ACTR3: variants seen among roughly 807,000 people sequenced by gnomAD.
ACTR3 encodes the protein actin related protein 3.
ACTR3 carries 12 observed loss-of-function variants against 56.8 expected under a neutral mutation model. The observed-to-expected ratio is 0.21, with a 90% CI of 0.14 to 0.34. The LOEUF is 0.34. Ranked by LOEUF, ACTR3 falls within the 10% of genes least tolerant of loss-of-function variation. The probability of loss-of-function intolerance (pLI) is 1.00; values close to 1 mark genes in which losing one functional copy is unlikely to be tolerated. For synonymous variants in ACTR3, 162 were observed against 167.4 expected (o/e 0.97, Z 0.25); for missense variants, 282 against 512.5 (o/e 0.55, Z 4.34).
In ACTR3 at chr2:113,961,128, G is replaced by A. The variant is rs186417193; in HGVS notation, c.*3673G>A. 2 of 152,096 alleles carry A rather than the reference G, an allele frequency of 1.3e-5. No homozygotes were observed. Among genetic ancestry groups the A allele is most frequent in the South Asian group, 2.1e-4 (1 of 4,830 alleles). The allele number at this position is 152,096 out of a possible 1,614,324, so 9.4% of individuals were successfully genotyped here. A position where few individuals can be genotyped will look rare whatever the true frequency, so the allele number is the denominator to read the frequency against. On this transcript the variant is annotated 3_prime_UTR_variant, in exon 12 of 12. Coordinates refer to ENST00000263238, the MANE Select transcript of ACTR3 (RefSeq NM_005721.5). ...GCTACTCATTGTTGATAACGCTTCA[G>A]TACTGTATAAATGTTTATCCTTTTC...
rs1189622941 is a variant in ACTR3, at chr2:113,890,601, A to C, written c.44+278A>C. 20 of 1,320,254 alleles carry C rather than the reference A, an allele frequency of 1.5e-5. No individual in the cohort carries two copies. In the East Asian group the frequency reaches 5.1e-4, roughly 34 times the overall value. The allele number at this position is 1,320,254 out of a possible 1,614,324, so 81.8% of individuals were successfully genotyped here. A position where few individuals can be genotyped will look rare whatever the true frequency, so the allele number is the denominator to read the frequency against. The stretch of plus-strand genomic sequence containing the variant: ...GACCCCTCCCGGCCCTTCCCCCACT[A>C]CGGTGGGCAGCGCCGCCCAAAGGGC... On this transcript the variant is annotated intron_variant, in intron 1 of 11. Coordinates refer to ENST00000263238, the MANE Select transcript of ACTR3 (RefSeq NM_005721.5).
intron 1 of ACTR3, chr2:113,890,805 A>G (rs548827863): frequency 4.1e-5 from 41 of 998,248 alleles, no homozygotes; most frequent in Admixed American, 3.5e-4. Context: ...CGCTGTGACA[A>G]CATTCTGCCC....
intron 1 of ACTR3, among the ~76,000 whole-genome samples, chr2:113,905,528 C>G (rs1027870447): frequency 1.3e-5 from 2 of 151,262 alleles, no homozygotes; most frequent in Admixed American, 6.6e-5. Flanking sequence ...TTAACTATTT[C>G]TAAGTGTGCA....
intron 10 of ACTR3, chr2:113,954,227 A>T (rs1680170217): frequency 6.6e-6 from 1 of 152,164 alleles, no homozygotes; most frequent in African/African-American, 2.4e-5. Flanking sequence ...TTTTCACTAT[A>T]AAGTTATTAT....
Position 113,891,643 on chromosome 2 carries a change from T to C in ACTR3, c.44+1320T>C, listed in dbSNP as rs571095410. ...TTTTTTTTATTATTAATTATAATTA[T>C]TGATTTCATTATTGTTACTTAAAAG... On this transcript the variant is annotated intron_variant, in intron 1 of 11. Transcript: ENST00000263238. Among the ~76,000 whole-genome samples, 4 of 151,728 alleles carry C rather than the reference T, an allele frequency of 2.6e-5. No homozygotes were observed. The East Asian group carries it at 7.7e-4, about 29-fold the overall frequency.
Position 113,940,040 on chromosome 2 carries a change from C to T in ACTR3, c.622C>T (p.Leu208=), listed in dbSNP as rs779420771. 1.2e-6 allele frequency: 2 copies of T among 1,613,426 alleles called. No individual in the cohort carries two copies. Among genetic ancestry groups the T allele is most frequent in the South Asian group, 1.1e-5 (1 of 90,996 alleles). Residue 208 remains leucine, a synonymous_variant, in exon 7 of 12, where the codon CTG becomes TTG. Transcript: ENST00000263238. Reference sequence around the variant, plus strand: ...TATAACATATTTTATTCAGCAACTGCTGAGAGACCGAGAAGTAGGAATCCC... The same window carrying T: ...TATAACATATTTTATTCAGCAACTGTTGAGAGACCGAGAAGTAGGAATCCC... ...RDITYFIQQL[L]RDREVGIPPE...
chr2:113,916,861 G>T (rs1243444892), intron 2 of ACTR3, 23 bp from the exon 3 acceptor site: 4 of 1,569,432 alleles, frequency 2.5e-6, no homozygotes, highest in Non-Finnish European at 2.6e-6. Context: ...TGAATTCTTT[G>T]ACATGTCTAA....
At chr2:113,927,978 C>T (rs1247102706) in intron 4 of ACTR3, among the ~76,000 whole-genome samples, 5 of 152,098 alleles carry the variant, frequency 3.3e-5, no homozygotes, top group Non-Finnish European at 7.4e-5. Context: ...TCAATTTTAA[C>T]AAAGTTTGCC....
At chr2:113,892,670 T>G (rs1280516335) in intron 1 of ACTR3, among the ~76,000 whole-genome samples, 1 of 152,176 alleles carries the variant, frequency 6.6e-6, no homozygotes, top group Non-Finnish European at 1.5e-5. Flanking sequence ...CGAATGCAAA[T>G]TGTGCACCTG....
At chr2:113,931,262 T>C (rs762549449) in intron 4 of ACTR3, 39 bp from the exon 5 acceptor site, 1 of 1,203,868 alleles carries the variant, frequency 8.3e-7, no homozygotes, top group Non-Finnish European at 1.2e-6. Context: ...ATCAAAATAA[T>C]CTGATATTAT....
intron 4 of ACTR3, among the ~76,000 whole-genome samples, chr2:113,930,891 G>C (rs977442591): frequency 6.6e-6 from 1 of 152,126 alleles, no homozygotes; most frequent in Non-Finnish European, 1.5e-5. Context: ...TCATCTAAAA[G>C]CATTACTTAG....
chr2:113,931,003 C>G (rs750739018), intron 4 of ACTR3, among the ~76,000 whole-genome samples: 29 of 152,136 alleles, frequency 1.9e-4, no homozygotes, highest in Admixed American at 7.9e-4. Flanking sequence ...TTCCCTACCT[C>G]CAACCCTCTC....
At chr2:113,925,684 A>T (rs1428571281) in intron 3 of ACTR3, among the ~76,000 whole-genome samples, 2 of 152,254 alleles carry the variant, frequency 1.3e-5, no homozygotes, top group Non-Finnish European at 2.9e-5. Context: ...ACTTCTAATA[A>T]TGTTAAAAAT....
intron 1 of ACTR3, among the ~76,000 whole-genome samples, chr2:113,897,666 A>T (rs1321615668): frequency 6.6e-6 from 1 of 151,332 alleles, no homozygotes. Context: ...AGCTGGAATT[A>T]TAGGCACCCG....
intron 5 of ACTR3, 31 bp from the exon 6 acceptor site, chr2:113,934,248 T>A: frequency 6.9e-7 from 1 of 1,447,324 alleles, no homozygotes; most frequent in Non-Finnish European, 9.4e-7. Context: ...TTTTTTTGTT[T>A]TTTTGCCTTT....
intron 1 of ACTR3, among the ~76,000 whole-genome samples, chr2:113,906,660 G>C (rs1174069730): frequency 6.6e-6 from 1 of 152,040 alleles, no homozygotes. Context: ...GTAAGGTAAA[G>C]GTACAACTTC....
intron 3 of ACTR3, among the ~76,000 whole-genome samples, chr2:113,918,415 A>G (rs924259991): frequency 7.0e-6 from 1 of 142,712 alleles, no homozygotes; most frequent in Non-Finnish European, 1.5e-5. Context: ...ACAAAGCCTC[A>G]CTTTGTTACC....
intron 10 of ACTR3, 92 bp from the exon 11 acceptor site, chr2:113,955,531 A>G: frequency 1.1e-6 from 1 of 915,734 alleles, no homozygotes; most frequent in South Asian, 1.6e-5. Flanking sequence ...TAGTACAGAT[A>G]TTATTTTTGT....
intron 10 of ACTR3, chr2:113,953,440 T>G (rs1487035140): frequency 6.6e-6 from 1 of 152,182 alleles, no homozygotes; most frequent in African/African-American, 2.4e-5. Flanking sequence ...CTCAAAAAGT[T>G]TTTGGATCTT....
Sources: allele counts gnomAD v4.1 joint callset (sites outside exome capture counted in the v4.1 genomes callset), GRCh38; gene constraint gnomAD v4.1.1; transcripts MANE v1.5; gene names NCBI Gene and HGNC (gene_info 2026-07-23, HGNC 2026-07-21).